ZNF592: variants seen among roughly 807,000 people sequenced by gnomAD.
ZNF592 encodes spinocerebellar ataxia, autosomal recessive 5.
Under a neutral mutation model 80.3 loss-of-function variants are expected in ZNF592, and 11 were observed. The ratio of observed to expected loss-of-function variants is 0.14; its 90% CI spans 0.09 to 0.23. The LOEUF (loss-of-function observed/expected upper bound fraction) is 0.23. Ranked by LOEUF, ZNF592 falls within the 10% of genes least tolerant of loss-of-function variation. ZNF592 has a pLI of 1.00. For missense variants in ZNF592, 1,420 were observed against 1,633.9 expected, an observed-to-expected ratio of 0.87 and a Z score of 2.26; for synonymous variants, 646 against 640.3, an observed-to-expected ratio of 1.01 and a Z score of -0.13.
intron 1 of ZNF592, among the ~76,000 whole-genome samples, chr15:84,763,999 G>A (rs569964477): frequency 2.6e-5 from 4 of 152,318 alleles, no homozygotes; most frequent in Admixed American, 6.5e-5. Flanking sequence ...GAGTTCTGCC[G>A]ACTTTCCTCT....
chr15:84,759,029 T>C (rs1044826541), intron 1 of ZNF592, among the ~76,000 whole-genome samples: 1 of 152,190 alleles, frequency 6.6e-6, no homozygotes, highest in African/African-American at 2.4e-5. Context: ...AGCCTCTTCT[T>C]ATGGTCTCCC....
intron 3 of ZNF592, among the ~76,000 whole-genome samples, chr15:84,780,302 GA>G (rs939678267): frequency 6.6e-6 from 1 of 152,036 alleles, no homozygotes; most frequent in African/African-American, 2.4e-5. Context: ...TAGACATTTA[GA>G]AGAAAGAAAG....
chr15:84,771,524 C>T (rs1899701233), intron 2 of ZNF592, among the ~76,000 whole-genome samples: 1 of 152,040 alleles, frequency 6.6e-6, no homozygotes, highest in South Asian at 2.1e-4. Context: ...GGGCAGAGAC[C>T]ACATTGGAAT....
intron 2 of ZNF592, among the ~76,000 whole-genome samples, chr15:84,769,608 T>A (rs1266804703): frequency 6.6e-6 from 1 of 151,566 alleles, no homozygotes; most frequent in African/African-American, 2.4e-5. Flanking sequence ...CTGGACAGAC[T>A]GGGTGAGAGA....
rs1321492690 is a variant in ZNF592 at position 84,790,770 on chromosome 15, T to C, written c.2286T>C (p.His762=). The C allele has an allele frequency of 1.2e-6, 2 of 1,614,212 alleles. No homozygotes were observed. The highest frequency in any genetic ancestry group is 1.7e-6 in the Non-Finnish European group (2 of 1,180,038). Residue 762 remains histidine (H), a synonymous_variant, in exon 5 of 11, where the codon CAT becomes CAC. Coordinates refer to ENST00000560079, the MANE Select transcript of ZNF592 (RefSeq NM_014630.3). ...QCSFCAHQRI[H]AHKSPYCCPE... The stretch of plus-strand genomic sequence containing the variant: ...GTTTCTGTGCCCACCAGCGGATTCA[T>C]GCACACAAGTCCCCCTACTGCTGCC...
chr15:84,799,108 G>A lies in ZNF592; in HGVS notation c.3035G>A (p.Arg1012Gln), dbSNP rs1484881097. The change falls in exon 9 of 11, where the codon CGG becomes CAG. Residue 1012 changes from arginine (R) to glutamine (Q), a missense_variant. Physicochemically the swap from Arg to Gln is conservative, Grantham distance 43. This residue lies in a region of ZNF592 where 331 missense variants were observed against 347.0 expected (regional missense o/e 0.95). Coordinates refer to ENST00000560079, the MANE Select transcript of ZNF592 (RefSeq NM_014630.3). The surrounding 1 kb of genome is among the most constrained non-coding windows in gnomAD (Gnocchi z 4.2). ...CACCTCCTTCCTTAGACATTGAAGCGGTACCCATGCCGGCAGTGTGAACAG... is the reference window on the plus strand; with the variant it reads ...CACCTCCTTCCTTAGACATTGAAGCAGTACCCATGCCGGCAGTGTGAACAG... Reference protein sequence around the residue: ...MKKSHGRTLKRYPCRQCEQSF... With the variant: ...MKKSHGRTLKQYPCRQCEQSF... 5 of 1,614,150 alleles carry A rather than the reference G, an allele frequency of 3.1e-6. No individual in the cohort carries two copies. The highest frequency in any genetic ancestry group is 3.4e-6 in the Non-Finnish European group (4 of 1,180,028).
In ZNF592 at chr15:84,799,017, C is replaced by G. The variant is rs1963014975; in HGVS notation, c.3025-81C>G. The G allele has an allele frequency of 2.5e-6, 4 of 1,592,624 alleles. No homozygotes were observed. In the East Asian group the frequency reaches 8.9e-5, roughly 36 times the overall value. The stretch of plus-strand genomic sequence containing the variant: ...GTCTTCGGGAGTATCCTCCTTTCTG[C>G]CCATGGCATCTGAGAAGAAAAATGC... On this transcript the variant is annotated intron_variant, in intron 8 of 10. Coordinates refer to ENST00000560079, the MANE Select transcript of ZNF592 (RefSeq NM_014630.3). The surrounding 1 kb of genome is among the most constrained non-coding windows in gnomAD (Gnocchi z 4.2).
chr15:84,760,740 A>G (rs982945096), intron 1 of ZNF592, among the ~76,000 whole-genome samples: 2 of 152,132 alleles, frequency 1.3e-5, no homozygotes, highest in African/African-American at 4.8e-5. Context: ...GATGAAGAGG[A>G]TGCTCTCAGT....
In ZNF592 at chr15:84,766,824, A is replaced by G. The variant is rs980709217; in HGVS notation, c.-150+2009A>G. ...CACCAGCTCGTAAACTCCTGTGGTG[A>G]TCTAAGGCAACCATAGGGATGCCTC... On this transcript the variant is annotated intron_variant, in intron 2 of 10. Transcript: ENST00000560079. Among the ~76,000 whole-genome samples, 4 of 151,646 alleles carry G rather than the reference A, an allele frequency of 2.6e-5. No individual in the cohort carries two copies. The East Asian group carries it at 5.8e-4, about 22-fold the overall frequency.
At chr15:84,794,450 C>T (rs954272439) in intron 5 of ZNF592, among the ~76,000 whole-genome samples, 5 of 151,554 alleles carry the variant, frequency 3.3e-5, no homozygotes, top group African/African-American at 4.8e-5. Context: ...TGATGGTTAA[C>T]GGTGTTGATC....
rs775000038 is a variant in ZNF592, at chr15:84,782,803, C to T, written c.128C>T (p.Pro43Leu). The change falls in exon 4 of 11, where the codon CCT becomes CTT. Residue 43 changes from proline (P) to leucine (L), a missense_variant. Around this residue, in one of 7 missense-constraint regions of ZNF592, gnomAD observed 373 missense variants for 355.5 expected, o/e 1.05. Transcript: ENST00000560079. ...PSEENESPLK[P>L]PGICMDESVS... ...GAGGAGAATGAGAGTCCCCTCAAAC[C>T]TCCAGGCATATGTATGGATGAAAGT... 6.2e-7 allele frequency: 1 copy of T among 1,614,146 alleles called. No individual in the cohort carries two copies. Among genetic ancestry groups the T allele is most frequent in the Non-Finnish European group, 8.5e-7 (1 of 1,180,042 alleles).
Position 84,783,633 on chromosome 15 carries a change from A to G in ZNF592, c.958A>G (p.Lys320Glu), listed in dbSNP as rs753200288. 1 of 1,614,222 alleles carries G rather than the reference A, an allele frequency of 6.2e-7. No homozygotes were observed. Among genetic ancestry groups the G allele is most frequent in the Non-Finnish European group, 8.5e-7 (1 of 1,180,040 alleles). The change falls in exon 4 of 11, where the codon AAA (lysine) becomes GAA (glutamate). Residue 320 changes from lysine to glutamate, a missense_variant. By Grantham distance (56) the Lys-to-Glu change is moderately conservative (BLOSUM62 1). Coordinates refer to ENST00000560079, the MANE Select transcript of ZNF592 (RefSeq NM_014630.3). This position sits in a 1 kb window ranked among gnomAD's most constrained non-coding sequence, Gnocchi z 5.0. ...DLSGPTKESS[K>E]GSPKMPKSPK... ...CTCAGGGCCCACTAAAGAGAGTTCT[A>G]AAGGTAGCCCCAAAATGCCCAAGTC...
At chr15:84,786,795 G>T (rs1426615922) in intron 4 of ZNF592, among the ~76,000 whole-genome samples, 5 of 150,934 alleles carry the variant, frequency 3.3e-5, no homozygotes, top group Non-Finnish European at 7.4e-5. Flanking sequence ...GGCAGTGGAG[G>T]TCTGATGCCT....
chr15:84,769,688 C>G (rs1899641779), intron 2 of ZNF592, among the ~76,000 whole-genome samples: 2 of 152,008 alleles, frequency 1.3e-5, no homozygotes, highest in Admixed American at 6.6e-5. Context: ...GGATTTCACT[C>G]TGAGGGAGAT....
chr15:84,778,694 A>G (rs1962336733), intron 3 of ZNF592, among the ~76,000 whole-genome samples: 1 of 152,056 alleles, frequency 6.6e-6, no homozygotes, highest in Non-Finnish European at 1.5e-5. Context: ...CCCTGTGGAG[A>G]TGCTACACTA....
In ZNF592 at chr15:84,802,432, G is replaced by C; in HGVS notation, c.*39G>C. On this transcript the variant is annotated 3_prime_UTR_variant, in exon 11 of 11. Coordinates refer to ENST00000560079, the MANE Select transcript of ZNF592 (RefSeq NM_014630.3). The stretch of plus-strand genomic sequence containing the variant: ...AGTGTGCATGGTCAGGGGTGGTGCC[G>C]AAGTGTCTTCCACCTGCCCTGCGGA... The C allele has an allele frequency of 6.2e-7, 1 of 1,608,752 alleles. No individual in the cohort carries two copies. The highest frequency in any genetic ancestry group is 8.5e-7 in the Non-Finnish European group (1 of 1,176,994).
At chr15:84,758,147 T>A (rs1033498250) in intron 1 of ZNF592, among the ~76,000 whole-genome samples, 20 of 151,172 alleles carry the variant, frequency 1.3e-4, no homozygotes, top group Admixed American at 3.3e-4. Context: ...TAATTTTTTA[T>A]TTTTTTTAGT....
chr15:84,789,695 G>A (rs190487448), intron 4 of ZNF592, among the ~76,000 whole-genome samples: 1 of 152,248 alleles, frequency 6.6e-6, no homozygotes, highest in African/African-American at 2.4e-5. Context: ...TATATATTCA[G>A]TATATTTACA....
chr15:84,783,491 G>A lies in ZNF592; in HGVS notation c.816G>A (p.Gln272=), dbSNP rs1186358730. 1.2e-6 allele frequency: 2 copies of A among 1,614,128 alleles called. No homozygotes were observed. The highest frequency in any genetic ancestry group is 1.3e-5 in the African/African-American group (1 of 74,948). The part of the protein sequence containing the change: ...LGTCSSVPPR[Q]RLKPAHSKLS... Reference sequence around the variant, plus strand: ...CCTGCTCATCAGTCCCCCCTAGGCAGCGTCTAAAGCCAGCTCATTCCAAGC... The same window carrying A: ...CCTGCTCATCAGTCCCCCCTAGGCAACGTCTAAAGCCAGCTCATTCCAAGC... Residue 272 remains glutamine (Q), a synonymous_variant, in exon 4 of 11, where the codon CAG becomes CAA. Coordinates refer to ENST00000560079, the MANE Select transcript of ZNF592 (RefSeq NM_014630.3). The surrounding 1 kb of genome is among the most constrained non-coding windows in gnomAD (Gnocchi z 5.0).
Sources: gnomAD v4.1 joint callset for allele counts (sites outside exome capture counted in the v4.1 genomes callset) on GRCh38, gnomAD v4.1.1 for gene constraint, gnomAD v4.1.1 regional missense constraint, Gnocchi (gnomAD v3.1) non-coding constraint, MANE v1.5 for transcripts, NCBI Gene and HGNC (gene_info 2026-07-23, HGNC 2026-07-21) for gene names.